KIF1B: variants seen among roughly 807,000 people sequenced by gnomAD.
KIF1B encodes the protein kinesin-like protein KIF1B.
A neutral mutation model predicts 241.9 loss-of-function variants in KIF1B; 76 were observed. The observed-to-expected ratio is 0.31, with a 90% CI of 0.26 to 0.38. The LOEUF is 0.38. Ranked by LOEUF, KIF1B falls within the 10% of genes least tolerant of loss-of-function variation. The pLI, the probability that KIF1B is intolerant of heterozygous loss-of-function variation, is 1.00. For missense variants in KIF1B, 1,622 were observed against 2,271.4 expected, an observed-to-expected ratio of 0.71 and a Z score of 5.81; for synonymous variants, 750 against 796.7, an observed-to-expected ratio of 0.94 and a Z score of 0.99.
intron 1 of KIF1B, among the ~76,000 whole-genome samples, chr1:10,215,138 TTATATATATATATATA>T (rs1162229178): frequency 1.8e-4 from 11 of 59,564 alleles, no homozygotes; most frequent in Admixed American, 2.6e-4. Context: ...TTTATATATT[TTATATATATATATATA>T]TATATATATA....
At position 10,297,283 on chromosome 1, in the gene KIF1B, G is replaced by C. The variant is rs1316027685; in HGVS notation, c.2115+37G>C. On this transcript the variant is annotated intron_variant, in intron 22 of 48. Transcript: ENST00000676179. ...GAATCTGCTAAACTGTTGGGAAAAG[G>C]GCAGCTTGTTCCCATACTTTCCCTG... 2.5e-6 allele frequency: 4 copies of C among 1,579,836 alleles called. No homozygotes were observed. In the African/African-American group the frequency reaches 5.4e-5, roughly 21 times the overall value.
intron 1 of KIF1B, among the ~76,000 whole-genome samples, chr1:10,224,362 C>T (rs867261924): frequency 3.3e-5 from 5 of 152,018 alleles, no homozygotes; most frequent in Admixed American, 1.3e-4. Context: ...GTGATCCGCC[C>T]GCCTCAGCCT....
chr1:10,216,982 T>TTTTTTTTTTTTTTTTTC (rs1646777174), intron 1 of KIF1B, among the ~76,000 whole-genome samples: 1 of 81,442 alleles, frequency 1.2e-5, no homozygotes, highest in Non-Finnish European at 2.6e-5. Context: ...TTTTTTTTTT[T>TTTTTTTTTTTTTTTTTC]TTTTTTTTTG....
At chr1:10,290,267 T>G (rs1649927114) in intron 15 of KIF1B, among the ~76,000 whole-genome samples, 1 of 152,174 alleles carries the variant, frequency 6.6e-6, no homozygotes, top group Non-Finnish European at 1.5e-5. Context: ...CAACCCGTTA[T>G]CTGGGTTTTA....
At chr1:10,334,401 G>T (rs918236415) in intron 27 of KIF1B, 119 bp from the exon 28 acceptor site, 37 of 821,696 alleles carry the variant, frequency 4.5e-5, no homozygotes, top group Admixed American at 2.9e-4. Context: ...CTGAGAAGGG[G>T]TCTTAAGACA....
chr1:10,367,642 C>A (rs2102353350), intron 43 of KIF1B, among the ~76,000 whole-genome samples: 1 of 151,170 alleles, frequency 6.6e-6, no homozygotes, highest in East Asian at 2.0e-4. Context: ...TCAAGCGGTT[C>A]TTCTGCCTTA....
chr1:10,377,193 GA>G lies in KIF1B; in HGVS notation c.*610del. The G allele has an allele frequency of 4.2e-6, 1 of 237,706 alleles. No individual in the cohort carries two copies. The highest frequency in any genetic ancestry group is 6.0e-5 in the East Asian group (1 of 16,566). The allele number at this position is 237,706 out of a possible 1,614,324, so 14.7% of individuals were successfully genotyped here. ...GCTAATCCCTGCATTTCCATTCAGG[GA>G]AAAGGTGGTAGTGAGCATAGAACTG... On this transcript the variant is annotated 3_prime_UTR_variant, in exon 49 of 49. Transcript: ENST00000676179.
At chr1:10,211,161 C>T (rs1347983492) in intron 1 of KIF1B, among the ~76,000 whole-genome samples, 4 of 152,196 alleles carry the variant, frequency 2.6e-5, no homozygotes, top group Admixed American at 6.5e-5. Context: ...GTGCCCAGCG[C>T]TCTCCAGACC....
At chr1:10,279,266 A>T (rs147550731) in intron 14 of KIF1B, 128 bp downstream of exon 14, 2 of 530,132 alleles carry the variant, frequency 3.8e-6, no homozygotes, top group Non-Finnish European at 6.6e-6. Context: ...AGCATAGTAT[A>T]GAATCAGAAA....
At chr1:10,278,229 A>T in intron 13 of KIF1B, 101 bp downstream of exon 13, 1 of 1,193,492 alleles carries the variant, frequency 8.4e-7, no homozygotes, top group South Asian at 1.3e-5. Context: ...AAGGAGCATG[A>T]TGAAGCTAAA....
At chr1:10,366,839 C>T (rs1008802587) in intron 43 of KIF1B, among the ~76,000 whole-genome samples, 1 of 151,806 alleles carries the variant, frequency 6.6e-6, no homozygotes, top group South Asian at 2.1e-4. Flanking sequence ...AACGTGGTGG[C>T]GTGCGCCTGT....
chr1:10,215,218 C>T (rs1300931290), intron 1 of KIF1B, among the ~76,000 whole-genome samples: 3 of 121,854 alleles, frequency 2.5e-5, no homozygotes, highest in African/African-American at 6.4e-5. Flanking sequence ...CTCTTGTTGC[C>T]CAGGCTGGAG....
chr1:10,304,641 A>G, intron 22 of KIF1B: 3 of 1,613,826 alleles, frequency 1.9e-6, no homozygotes, highest in Non-Finnish European at 8.5e-7. Flanking sequence ...GAGAAACCAC[A>G]GTATAAATCA....
At chr1:10,354,804 T>C (rs1053233575) in intron 38 of KIF1B, among the ~76,000 whole-genome samples, 2 of 152,200 alleles carry the variant, frequency 1.3e-5, no homozygotes, top group East Asian at 3.8e-4. Flanking sequence ...ATCTGTATAT[T>C]TTAGGGATAT....
At position 10,326,448 on chromosome 1, in the gene KIF1B, T is replaced by C. The variant is rs12135774; in HGVS notation, c.2924+89T>C. 0.13 allele frequency: 194,625 copies of C among 1,531,102 alleles called. 13,405 individuals carry two copies. Among genetic ancestry groups the C allele is most frequent in the South Asian group, 0.19 (17,218 of 88,850 alleles). 94.8% of individuals were successfully genotyped at this position (1,531,102 alleles called of 1,614,324 possible). A position where few individuals can be genotyped will look rare whatever the true frequency, so the allele number is the denominator to read the frequency against. On this transcript the variant is annotated intron_variant, in intron 27 of 48. Coordinates refer to ENST00000676179, the MANE Select transcript of KIF1B (RefSeq NM_001365951.3). This position sits in a 1 kb window ranked among gnomAD's most constrained non-coding sequence, Gnocchi z 5.2. ...TTGCACAATTTTGGATAACCTTGCA[T>C]TAGCCAATTCAACTCATGAATGCTC...
chr1:10,215,433 C>T (rs1412367987), intron 1 of KIF1B, among the ~76,000 whole-genome samples: 2 of 151,902 alleles, frequency 1.3e-5, no homozygotes, highest in Non-Finnish European at 2.9e-5. Context: ...ACCTTGGCCT[C>T]CCAAAGTGCT....
chr1:10,261,270 A>ATT (rs141281398), intron 4 of KIF1B, among the ~76,000 whole-genome samples: 8 of 136,972 alleles, frequency 5.8e-5, no homozygotes, highest in Admixed American at 7.5e-5. Flanking sequence ...ACCTGGCCAA[A>ATT]TTTTTTTTTT....
intron 4 of KIF1B, among the ~76,000 whole-genome samples, chr1:10,260,590 C>T (rs1056899437): frequency 6.6e-6 from 1 of 152,180 alleles, no homozygotes; most frequent in Non-Finnish European, 1.5e-5. Flanking sequence ...ACAGCCCCAG[C>T]ATGGTGGCTC....
rs769645879 is a variant in KIF1B at position 10,339,754 on chromosome 1, A to AT, written c.3423-7dup. On this transcript the variant is annotated splice_polypyrimidine_tract_variant and intron_variant, in intron 31 of 48. Transcript: ENST00000676179. ...TAATGCATTGTTCACGAGTCTTTTT[A>AT]TTTTTTTTATGAAGCTTTTTGCATC... is the stretch of plus-strand genomic sequence containing the variant. 1.7e-5 allele frequency: 27 copies of AT among 1,546,610 alleles called. No individual in the cohort carries two copies. The highest frequency in any genetic ancestry group is 1.6e-5 in the Non-Finnish European group (18 of 1,145,866).
Sources: allele counts gnomAD v4.1 joint callset (sites outside exome capture counted in the v4.1 genomes callset), GRCh38; gene constraint gnomAD v4.1.1; non-coding constraint Gnocchi (gnomAD v3.1); transcripts MANE v1.5; gene names NCBI Gene and HGNC (gene_info 2026-07-23, HGNC 2026-07-21).